PHACTR3: variants seen among roughly 807,000 people sequenced by gnomAD.
PHACTR3 encodes the protein phosphatase and actin regulator 3, also known as protein phosphatase 1, regulatory subunit 123.
A neutral mutation model predicts 66.8 loss-of-function variants in PHACTR3; 16 were observed. The observed-to-expected ratio is 0.24, with a 90% CI of 0.16 to 0.36. PHACTR3 has a LOEUF of 0.36. Ranked by LOEUF, PHACTR3 falls within the 10% of genes least tolerant of loss-of-function variation. PHACTR3 has a pLI of 1.00. For synonymous variants in PHACTR3, 323 were observed against 292.1 expected, an observed-to-expected ratio of 1.11 and a Z score of -1.08; for missense variants, 647 against 719.9, an observed-to-expected ratio of 0.90 and a Z score of 1.16.
At chr20:59,810,558 C>A (rs2041705083) in intron 8 of PHACTR3, among the ~76,000 whole-genome samples, 1 of 152,240 alleles carries the variant, frequency 6.6e-6, no homozygotes, top group Non-Finnish European at 1.5e-5. Context: ...CTAAGTAATT[C>A]AGCCTCTGGT....
chr20:59,637,049 C>T (rs376340959), intron 1 of PHACTR3, among the ~76,000 whole-genome samples: 30 of 152,222 alleles, frequency 2.0e-4, no homozygotes, highest in East Asian at 7.7e-4. Flanking sequence ...AGGAAATTGC[C>T]GTGCTTCCAA....
At position 59,828,823 on chromosome 20, in the gene PHACTR3, G is replaced by A. The variant is rs1398790650; in HGVS notation, c.1329-7682G>A. 3.3e-5 allele frequency among the ~76,000 whole-genome samples: 5 copies of A among 152,096 alleles called. No homozygotes were observed. The East Asian group carries it at 9.6e-4, about 29-fold the overall frequency. On this transcript the variant is annotated intron_variant, in intron 8 of 12. Coordinates refer to ENST00000371015, the MANE Select transcript of PHACTR3 (RefSeq NM_080672.5). ...GGAACCCGGGCTTGAGCTCATCGTGGGAGTAGGAGTTAGAGTTATGCTGCT... is the reference window on the plus strand; with the variant it reads ...GGAACCCGGGCTTGAGCTCATCGTGAGAGTAGGAGTTAGAGTTATGCTGCT...
chr20:59,703,225 A>G (rs2037570992), intron 1 of PHACTR3, among the ~76,000 whole-genome samples: 1 of 152,104 alleles, frequency 6.6e-6, no homozygotes, highest in Non-Finnish European at 1.5e-5. Flanking sequence ...TGAATTATCT[A>G]CAGTTAGGGA....
At position 59,727,006 on chromosome 20, in the gene PHACTR3, A is replaced by G. The variant is rs2038589026; in HGVS notation, c.119-16101A>G. 2.0e-5 allele frequency among the ~76,000 whole-genome samples: 3 copies of G among 152,190 alleles called. 1 individual carries two copies. Among genetic ancestry groups the G allele is most frequent in the South Asian group, 4.2e-4 (2 of 4,816 alleles). On this transcript the variant is annotated intron_variant, in intron 1 of 12. Coordinates refer to ENST00000371015, the MANE Select transcript of PHACTR3 (RefSeq NM_080672.5). The stretch of plus-strand genomic sequence containing the variant: ...AGTGCTCTGTGCAGTGAGTGCAGTC[A>G]CATTGTTGCAAAACCATCACTGCTG...
rs558535312 is a variant in PHACTR3, at chr20:59,689,463, C to T, written c.119-53644C>T. Among the ~76,000 whole-genome samples, 11 of 152,312 alleles carry T rather than the reference C, an allele frequency of 7.2e-5. No homozygotes were observed. In the East Asian group the frequency reaches 7.7e-4, roughly 11 times the overall value. On this transcript the variant is annotated intron_variant, in intron 1 of 12. Coordinates refer to ENST00000371015, the MANE Select transcript of PHACTR3 (RefSeq NM_080672.5). ...CTTGTGTGGGGATCTTGAGGAGTTT[C>T]GTAGAGGTGCCGCAGGGTCTGCCTG...
chr20:59,720,734 G>T (rs886748443), intron 1 of PHACTR3, among the ~76,000 whole-genome samples: 2 of 152,184 alleles, frequency 1.3e-5, no homozygotes, highest in African/African-American at 4.8e-5. Context: ...TGCCAAAGTG[G>T]CCACTTCTCC....
At chr20:59,847,016 C>A in intron 12 of PHACTR3, 99 bp from the exon 13 acceptor site, 2 of 830,896 alleles carry the variant, frequency 2.4e-6, no homozygotes, top group Non-Finnish European at 3.9e-6. Flanking sequence ...TTCTGAGAAT[C>A]TTTTTAATAG....
intron 7 of PHACTR3, among the ~76,000 whole-genome samples, chr20:59,800,999 G>A (rs910025348): frequency 6.6e-6 from 1 of 152,196 alleles, no homozygotes; most frequent in African/African-American, 2.4e-5. Flanking sequence ...CTAGTGCCAT[G>A]TGTGCACCGG....
At chr20:59,586,117 C>T (rs1379168371) in intron 1 of PHACTR3, among the ~76,000 whole-genome samples, 1 of 152,204 alleles carries the variant, frequency 6.6e-6, no homozygotes, top group East Asian at 1.9e-4. Context: ...CTTCTCCATC[C>T]AAGCCTCCCT....
chr20:59,699,260 G>A (rs2037407746), intron 1 of PHACTR3, among the ~76,000 whole-genome samples: 1 of 152,208 alleles, frequency 6.6e-6, no homozygotes, highest in Non-Finnish European at 1.5e-5. Flanking sequence ...GTCTTGGGCT[G>A]AGACAAATAT....
At chr20:59,658,969 T>C (rs911033764) in intron 1 of PHACTR3, among the ~76,000 whole-genome samples, 1 of 150,692 alleles carries the variant, frequency 6.6e-6, no homozygotes, top group Non-Finnish European at 1.5e-5. Context: ...TTTTTTTTTT[T>C]CTCTGCCTAT....
chr20:59,697,766 T>A (rs2146600450), intron 1 of PHACTR3, among the ~76,000 whole-genome samples: 1 of 152,278 alleles, frequency 6.6e-6, no homozygotes, highest in East Asian at 1.9e-4. Context: ...AATTACCCAG[T>A]CTTGGGTAGT....
chr20:59,763,340 T>G (rs984677249), intron 4 of PHACTR3, among the ~76,000 whole-genome samples: 2 of 152,240 alleles, frequency 1.3e-5, no homozygotes, highest in African/African-American at 4.8e-5. Context: ...CTTTATAAGT[T>G]ACTCAGTCTT....
chr20:59,723,970 G>GC (rs1453028640), intron 1 of PHACTR3, among the ~76,000 whole-genome samples: 2 of 152,088 alleles, frequency 1.3e-5, no homozygotes, highest in Non-Finnish European at 2.9e-5. Flanking sequence ...TGCCTGGTCT[G>GC]CATCCTCCCC....
At chr20:59,663,114 G>A (rs1244325427) in intron 1 of PHACTR3, among the ~76,000 whole-genome samples, 3 of 152,194 alleles carry the variant, frequency 2.0e-5, no homozygotes, top group South Asian at 2.1e-4. Context: ...GCCTCTGGGC[G>A]CCTTCACGTG....
rs1349265099 is a variant in PHACTR3, at chr20:59,738,481, C to T, written c.119-4626C>T. Among the ~76,000 whole-genome samples the T allele has an allele frequency of 1.3e-5, 2 of 151,846 alleles. No individual in the cohort carries two copies. The highest frequency in any genetic ancestry group is 6.6e-5 in the Admixed American group (1 of 15,256). ...ATCACAGGAAGACCAGTTGCTGGGG[C>T]AGGGATGCTGGTACTGGACCAGGGT... On this transcript the variant is annotated intron_variant, in intron 1 of 12. Coordinates refer to ENST00000371015, the MANE Select transcript of PHACTR3 (RefSeq NM_080672.5). The surrounding 1 kb of genome is among the most constrained non-coding windows in gnomAD (Gnocchi z 4.4).
intron 8 of PHACTR3, among the ~76,000 whole-genome samples, chr20:59,834,122 G>A (rs1416886606): frequency 1.3e-5 from 2 of 152,136 alleles, no homozygotes. Flanking sequence ...CTCCCTCTTA[G>A]CCAGAGGAGC....
rs768294435 is a variant in PHACTR3 at position 59,617,408 on chromosome 20, C to T, written c.118+12276C>T. On this transcript the variant is annotated intron_variant, in intron 1 of 12. Transcript: ENST00000371015. ...CCGAGTGTGAGTTCTCAGGAATATA[C>T]ATCACTGAAAGTGAGCCCACACATT... 6.8e-4 allele frequency among the ~76,000 whole-genome samples: 103 copies of T among 152,324 alleles called. 3 individuals carry two copies. The highest frequency in any genetic ancestry group is 3.4e-4 in the Non-Finnish European group (23 of 68,034).
At chr20:59,699,848 G>C (rs1221894755) in intron 1 of PHACTR3, among the ~76,000 whole-genome samples, 1 of 152,148 alleles carries the variant, frequency 6.6e-6, no homozygotes, top group Non-Finnish European at 1.5e-5. Context: ...TGTAATCCCA[G>C]CTACTCAGGA....
Sources: allele counts gnomAD v4.1 joint callset (sites outside exome capture counted in the v4.1 genomes callset), GRCh38; gene constraint gnomAD v4.1.1; non-coding constraint Gnocchi (gnomAD v3.1); transcripts MANE v1.5; gene names NCBI Gene and HGNC (gene_info 2026-07-23, HGNC 2026-07-21).